Variants in RAP1GAP observed in about 807,000 individuals in gnomAD.
RAP1GAP encodes rap1 GTPase-activating protein 1.
In RAP1GAP, 35 loss-of-function variants were observed where a neutral mutation model predicts 87.2. The ratio of observed to expected loss-of-function variants is 0.40; its 90% CI spans 0.31 to 0.53. RAP1GAP has a LOEUF of 0.53. Ranked by LOEUF, RAP1GAP falls within the 20% of genes least tolerant of loss-of-function variation. The probability of loss-of-function intolerance (pLI) is 0.48; values close to 1 mark genes in which losing one functional copy is unlikely to be tolerated. For missense variants in RAP1GAP, 734 were observed against 898.9 expected (o/e 0.82, Z 2.35); for synonymous variants, 375 against 363.9 (o/e 1.03, Z -0.35).
At position 21,668,592 on chromosome 1, in the gene RAP1GAP, C is replaced by T. The variant is rs563492805; in HGVS notation, c.-149+662G>A. 6.6e-6 allele frequency: 1 copy of T among 151,966 alleles called. No individual in the cohort carries two copies. Among genetic ancestry groups the T allele is most frequent in the Non-Finnish European group, 1.5e-5 (1 of 68,016 alleles). The allele number at this position is 151,966 out of a possible 1,614,324, so 9.4% of individuals were successfully genotyped here. ...CAGGCGCCCCGCAGCTGGCACCAAA[C>T]CCTGCAGGGCACGGAAACCGCCCCG... On this transcript the variant is annotated intron_variant, in intron 1 of 24. Transcript: ENST00000374765. The surrounding 1 kb of genome is among the most constrained non-coding windows in gnomAD (Gnocchi z 6.2).
intron 2 of RAP1GAP, among the ~76,000 whole-genome samples, chr1:21,648,267 G>A (rs2096259076): frequency 6.6e-6 from 1 of 152,194 alleles, no homozygotes; most frequent in African/African-American, 2.4e-5. Context: ...CTGGGCCCTC[G>A]TCTCTAACTC....
intron 1 of RAP1GAP, among the ~76,000 whole-genome samples, chr1:21,657,229 G>A (rs1476479230): frequency 1.3e-5 from 2 of 152,162 alleles, no homozygotes; most frequent in African/African-American, 2.4e-5. Flanking sequence ...CCACAAGTAC[G>A]TGCACATGCA....
Position 21,669,136 on chromosome 1 carries a change from G to A in RAP1GAP, c.-149+118C>T. 9.1e-7 allele frequency: 1 copy of A among 1,101,940 alleles called. No homozygotes were observed. Among genetic ancestry groups the A allele is most frequent in the Non-Finnish European group, 1.1e-6 (1 of 877,952 alleles). 68.3% of individuals were successfully genotyped at this position (1,101,940 alleles called of 1,614,324 possible). A position where few individuals can be genotyped will look rare whatever the true frequency, so the allele number is the denominator to read the frequency against. On this transcript the variant is annotated intron_variant, in intron 1 of 24. Coordinates refer to ENST00000374765, the MANE Select transcript of RAP1GAP (RefSeq NM_002885.4). This position sits in a 1 kb window ranked among gnomAD's most constrained non-coding sequence, Gnocchi z 5.6. ...GGAGACCCGGGTCCCCCACGCGTTC[G>A]CCCCCACCCTCCGTCCCCGCCCGCC...
chr1:21,627,558 G>A (rs2092632478), intron 2 of RAP1GAP, among the ~76,000 whole-genome samples: 1 of 152,058 alleles, frequency 6.6e-6, no homozygotes, highest in Non-Finnish European at 1.5e-5. Flanking sequence ...TAGGATTGCA[G>A]GCATGCGCCA....
intron 2 of RAP1GAP, among the ~76,000 whole-genome samples, chr1:21,644,900 C>CA (rs34783815): frequency 0.15 from 17,345 of 114,138 alleles, 1,389 homozygotes; most frequent in East Asian, 0.26. Flanking sequence ...GACCCTGTCT[C>CA]AAAAAAAAAA....
At chr1:21,617,756 G>C (rs1265896646) in intron 6 of RAP1GAP, among the ~76,000 whole-genome samples, 178 bp downstream of exon 6, 1 of 152,180 alleles carries the variant, frequency 6.6e-6, no homozygotes, top group African/African-American at 2.4e-5. Context: ...GGAACATTTG[G>C]CTCAGAAGGC....
intron 16 of RAP1GAP, 62 bp downstream of exon 16, chr1:21,608,788 G>T: frequency 6.7e-7 from 1 of 1,501,342 alleles, no homozygotes; most frequent in Non-Finnish European, 9.3e-7. Context: ...CCAGGGACAG[G>T]GCTGAAGTTA....
At chr1:21,624,275 G>A (rs969275272) in intron 3 of RAP1GAP, among the ~76,000 whole-genome samples, 8 of 152,172 alleles carry the variant, frequency 5.3e-5, no homozygotes, top group African/African-American at 1.9e-4. Context: ...GCCCTGTCCA[G>A]CCCTGGGAAT....
At position 21,640,418 on chromosome 1, in the gene RAP1GAP, C is replaced by A. The variant is rs368790969; in HGVS notation, c.-113+9343G>T. Among the ~76,000 whole-genome samples, 23 of 152,306 alleles carry A rather than the reference C, an allele frequency of 1.5e-4. No individual in the cohort carries two copies. In the East Asian group the frequency reaches 3.7e-3, roughly 24 times the overall value. ...AGAAATGGGGTTTCTTCAGGTCATG[C>A]CTGGGTCTGTTTGGGTCTGATCTGC... On this transcript the variant is annotated intron_variant, in intron 2 of 24. Transcript: ENST00000374765.
intron 2 of RAP1GAP, among the ~76,000 whole-genome samples, chr1:21,637,443 T>A (rs1039267239): frequency 6.6e-6 from 1 of 152,000 alleles, no homozygotes; most frequent in African/African-American, 2.4e-5. Flanking sequence ...AGTGAGCCAC[T>A]GCATCCAGCC....
rs770097074 is a variant in RAP1GAP at position 21,599,481 on chromosome 1, C to A, written c.1776+13G>T. 1 of 1,606,108 alleles carries A rather than the reference C, an allele frequency of 6.2e-7. No individual in the cohort carries two copies. Among genetic ancestry groups the A allele is most frequent in the Non-Finnish European group, 8.5e-7 (1 of 1,178,910 alleles). On this transcript the variant is annotated intron_variant, in intron 21 of 24. Coordinates refer to ENST00000374765, the MANE Select transcript of RAP1GAP (RefSeq NM_002885.4). ...AGCTCCTGTGGGGCCCCTGACCCCC[C>A]TGAGCCTCTCACCAGGCCTGTGTCC... is the stretch of plus-strand genomic sequence containing the variant.
intron 1 of RAP1GAP, among the ~76,000 whole-genome samples, chr1:21,657,460 G>A (rs559235804): frequency 6.6e-6 from 1 of 152,352 alleles, no homozygotes; most frequent in South Asian, 2.1e-4. Context: ...GGAGCATCCA[G>A]CTAACTACTG....
intron 4 of RAP1GAP, among the ~76,000 whole-genome samples, chr1:21,619,642 A>C (rs1048781844): frequency 6.6e-6 from 1 of 152,014 alleles, no homozygotes; most frequent in Non-Finnish European, 1.5e-5. Context: ...TCTGGCTGAC[A>C]GGCCCCCAGC....
chr1:21,629,587 C>A (rs1362172649), intron 2 of RAP1GAP, among the ~76,000 whole-genome samples: 2 of 152,074 alleles, frequency 1.3e-5, no homozygotes, highest in African/African-American at 4.8e-5. Context: ...CCGTAAGGGG[C>A]AGGGGAAGGG....
intron 3 of RAP1GAP, among the ~76,000 whole-genome samples, chr1:21,623,509 C>G (rs1019385910): frequency 6.6e-6 from 1 of 152,218 alleles, no homozygotes; most frequent in Non-Finnish European, 1.5e-5. Flanking sequence ...GCAGGGCTGC[C>G]CACCAGCTCA....
intron 5 of RAP1GAP, 69 bp from the exon 6 acceptor site, chr1:21,618,041 T>C: frequency 1.3e-6 from 2 of 1,591,920 alleles, no homozygotes; most frequent in East Asian, 4.5e-5. Context: ...AGCTGGCCTC[T>C]GCTTGGCCAG....
chr1:21,602,950 T>G, intron 18 of RAP1GAP, 37 bp from the exon 19 acceptor site: 2 of 1,477,290 alleles, frequency 1.4e-6, no homozygotes, highest in Non-Finnish European at 9.1e-7. Flanking sequence ...CCACCTTACC[T>G]GGGAGCCCCA....
rs1247126732 is a variant in RAP1GAP, at chr1:21,601,815, G to T, written c.1539-18C>A. 6 of 1,550,186 alleles carry T rather than the reference G, an allele frequency of 3.9e-6. No homozygotes were observed. The African/African-American group carries it at 6.8e-5, about 18-fold the overall frequency. On this transcript the variant is annotated intron_variant, in intron 19 of 24. Transcript: ENST00000374765. The stretch of plus-strand genomic sequence containing the variant: ...GGCTCTCCCTGCGGGGCACACGGGG[G>T]CAGCGGGGGGATTCAGCACCAGGCC...
chr1:21,599,353 T>C (rs999631361), intron 21 of RAP1GAP, 141 bp downstream of exon 21: 4 of 1,238,330 alleles, frequency 3.2e-6, no homozygotes, highest in Non-Finnish European at 4.5e-6. Flanking sequence ...GGAGGGTTCG[T>C]CTGCACTGCT....
Sources: gnomAD v4.1 joint callset for allele counts (sites outside exome capture counted in the v4.1 genomes callset) on GRCh38, gnomAD v4.1.1 for gene constraint, Gnocchi (gnomAD v3.1) non-coding constraint, MANE v1.5 for transcripts, NCBI Gene and HGNC (gene_info 2026-07-23, HGNC 2026-07-21) for gene names.